Variants in KCND2 observed in about 807,000 individuals in gnomAD.
The protein encoded by KCND2 is A-type voltage-gated potassium channel KCND2.
In KCND2, 16 loss-of-function variants were observed where a neutral mutation model predicts 54.4. The observed-to-expected ratio is 0.29, with a 90% confidence interval of 0.20 to 0.45. The LOEUF is 0.45. Among genes scored for constraint, KCND2 ranks in the 20% least tolerant of loss-of-function variants. KCND2 has a pLI of 1.00. For synonymous variants in KCND2, 317 were observed against 310.7 expected, an observed-to-expected ratio of 1.02 and a Z score of -0.21; for missense variants, 486 against 824.2, an observed-to-expected ratio of 0.59 and a Z score of 5.02.
Position 120,728,321 on chromosome 7 carries a change from C to T in KCND2, c.1116-4582C>T, listed in dbSNP as rs1230015062. On this transcript the variant is annotated intron_variant, in intron 1 of 5. Coordinates refer to ENST00000331113, the MANE Select transcript of KCND2 (RefSeq NM_012281.3). ...TTTTAAAAATTTTGAGATGGAGTCTCGCTCTTGTTGCCCAGGCTGGAGTGC... is the reference window on the plus strand; with the variant it reads ...TTTTAAAAATTTTGAGATGGAGTCTTGCTCTTGTTGCCCAGGCTGGAGTGC... Among the ~76,000 whole-genome samples the T allele has an allele frequency of 3.4e-5, 5 of 146,504 alleles. No homozygotes were observed. In the East Asian group the frequency reaches 6.0e-4, roughly 18 times the overall value.
At chr7:120,335,576 T>TC (rs1800138927) in intron 1 of KCND2, among the ~76,000 whole-genome samples, 2 of 151,516 alleles carry the variant, frequency 1.3e-5, no homozygotes, top group African/African-American at 4.9e-5. Context: ...AAGCGCCACC[T>TC]CCGGGTTCAC....
chr7:120,595,591 G>GTGTATATATATATA (rs370024431), intron 1 of KCND2, among the ~76,000 whole-genome samples: 1 of 131,898 alleles, frequency 7.6e-6, no homozygotes, highest in African/African-American at 2.8e-5. Flanking sequence ...GTGTGTGTGT[G>GTGTATATATATATA]TATATATATA....
intron 1 of KCND2, among the ~76,000 whole-genome samples, chr7:120,583,483 C>A (rs1792546250): frequency 6.6e-6 from 1 of 152,094 alleles, no homozygotes; most frequent in African/African-American, 2.4e-5. Flanking sequence ...CTATGAAAAT[C>A]TATTTCCTCA....
At position 120,506,071 on chromosome 7, in the gene KCND2, C is replaced by A. The variant is rs538730793; in HGVS notation, c.1116-226832C>A. Among the ~76,000 whole-genome samples, 43 of 151,676 alleles carry A rather than the reference C, an allele frequency of 2.8e-4. No individual in the cohort carries two copies. The South Asian group carries it at 8.3e-3, about 29-fold the overall frequency. On this transcript the variant is annotated intron_variant, in intron 1 of 5. Transcript: ENST00000331113. ...AATTTTAAACCATTTAAGGAAAAAA[C>A]ACAATCTTACCTTCCTTTTCAAAGC...
rs573079584 is a variant in KCND2, at chr7:120,476,154, C to G, written c.1115+200407C>G. On this transcript the variant is annotated intron_variant, in intron 1 of 5. Coordinates refer to ENST00000331113, the MANE Select transcript of KCND2 (RefSeq NM_012281.3). ...GAACCTGGCTCAAATTCTCCTACCACAATTTCCTAGTTGTGTGACCACAGG... is the reference window on the plus strand; with the variant it reads ...GAACCTGGCTCAAATTCTCCTACCAGAATTTCCTAGTTGTGTGACCACAGG... Among the ~76,000 whole-genome samples, 3 of 152,318 alleles carry G rather than the reference C, an allele frequency of 2.0e-5. No individual in the cohort carries two copies. The East Asian group carries it at 5.8e-4, about 29-fold the overall frequency.
intron 1 of KCND2, among the ~76,000 whole-genome samples, chr7:120,380,395 CAG>C (rs890511699): frequency 1.3e-4 from 19 of 151,906 alleles, no homozygotes; most frequent in African/African-American, 4.1e-4. Flanking sequence ...GGTCCTAGGT[CAG>C]AGAGTGTGTA....
chr7:120,608,142 T>G (rs1034838356), intron 1 of KCND2, among the ~76,000 whole-genome samples: 2 of 151,966 alleles, frequency 1.3e-5, no homozygotes, highest in Non-Finnish European at 2.9e-5. Context: ...CATACTCTCA[T>G]CAAGTGTAAT....
chr7:120,400,305 T>TA (rs1008898797), intron 1 of KCND2, among the ~76,000 whole-genome samples: 5 of 152,290 alleles, frequency 3.3e-5, no homozygotes, highest in African/African-American at 4.8e-5. Context: ...GAGAAAATTT[T>TA]AAAAAATGTA....
intron 1 of KCND2, among the ~76,000 whole-genome samples, chr7:120,278,884 T>C (rs747900618): frequency 2.6e-5 from 4 of 152,050 alleles, no homozygotes; most frequent in Middle Eastern, 3.4e-3. Flanking sequence ...TTTAAGTGTT[T>C]AGATTGAGTA....
intron 1 of KCND2, among the ~76,000 whole-genome samples, chr7:120,295,102 G>A (rs4730956): frequency 0.66 from 100,272 of 151,646 alleles, 38,019 homozygotes; most frequent in South Asian, 0.91. Context: ...TTTTCAATAT[G>A]TAGCAGTAAG....
At position 120,274,865 on chromosome 7, in the gene KCND2, C is replaced by T; in HGVS notation, c.233C>T (p.Pro78Leu). Residue 78 changes from proline to leucine, a missense_variant, in exon 1 of 6, where the codon CCA (proline) becomes CTA (leucine). Physicochemically the swap from Pro to Leu is moderately conservative, Grantham distance 98. Around this residue, in one of 7 missense-constraint regions of KCND2, gnomAD observed 231 missense variants for 386.0 expected, o/e 0.60. Transcript: ENST00000331113. ...TCTGAGAGGGACTTTTTCTACCACC[C>T]AGAAACTCAGCAGTATTTCTTTGAC... ...GSSERDFFYH[P>L]ETQQYFFDRD... 6.2e-7 allele frequency: 1 copy of T among 1,614,162 alleles called. No homozygotes were observed. Among genetic ancestry groups the T allele is most frequent in the Non-Finnish European group, 8.5e-7 (1 of 1,180,024 alleles).
At chr7:120,704,251 T>C (rs1195255456) in intron 1 of KCND2, among the ~76,000 whole-genome samples, 2 of 152,178 alleles carry the variant, frequency 1.3e-5, no homozygotes, top group Non-Finnish European at 2.9e-5. Flanking sequence ...CAAGGAGCAA[T>C]TTTAGAAAGA....
chr7:120,346,816 G>A (rs1439366158), intron 1 of KCND2, among the ~76,000 whole-genome samples: 1 of 152,080 alleles, frequency 6.6e-6, no homozygotes, highest in Admixed American at 6.6e-5. Flanking sequence ...AAATGTGACA[G>A]AAGCTTCTTT....
intron 1 of KCND2, among the ~76,000 whole-genome samples, chr7:120,391,386 T>C (rs1156591484): frequency 6.6e-6 from 1 of 152,136 alleles, no homozygotes; most frequent in Non-Finnish European, 1.5e-5. Flanking sequence ...TATGTGTGCA[T>C]GTGTCTTTAT....
At chr7:120,709,454 TTA>T (rs1792511385) in intron 1 of KCND2, among the ~76,000 whole-genome samples, 1 of 152,194 alleles carries the variant, frequency 6.6e-6, no homozygotes, top group South Asian at 2.1e-4. Context: ...TCAATTGTTT[TTA>T]TGTCACTTCT....
chr7:120,323,382 T>C (rs1290710412), intron 1 of KCND2, among the ~76,000 whole-genome samples: 2 of 152,178 alleles, frequency 1.3e-5, no homozygotes, highest in African/African-American at 4.8e-5. Context: ...TGTGCCAAGC[T>C]GGTGTGCTGC....
At chr7:120,641,911 C>T (rs1349851301) in intron 1 of KCND2, among the ~76,000 whole-genome samples, 1 of 151,720 alleles carries the variant, frequency 6.6e-6, no homozygotes, top group African/African-American at 2.4e-5. Flanking sequence ...TAACACATAG[C>T]CTTAAAAACC....
chr7:120,579,641 TAAATAAAATAAAA>T, intron 1 of KCND2, among the ~76,000 whole-genome samples: 1 of 120,114 alleles, frequency 8.3e-6, no homozygotes, highest in South Asian at 2.5e-4. Context: ...AATAAATAAA[TAAATAAAATAAAA>T]TAAATAAAAA....
intron 1 of KCND2, among the ~76,000 whole-genome samples, chr7:120,338,573 A>G (rs913015724): frequency 1.3e-5 from 2 of 151,976 alleles, no homozygotes; most frequent in Non-Finnish European, 2.9e-5. Flanking sequence ...CTATAGGCCT[A>G]GTATTTCTTG....
Sources: allele counts gnomAD v4.1 joint callset (sites outside exome capture counted in the v4.1 genomes callset), GRCh38; gene constraint gnomAD v4.1.1; regional missense constraint gnomAD v4.1.1; transcripts MANE v1.5; gene names NCBI Gene and HGNC (gene_info 2026-07-23, HGNC 2026-07-21).